The following PML variants were observed in gnomAD, a reference collection of about 807,000 sequenced individuals.
PML encodes the protein protein PML.
In PML, 28 loss-of-function variants were observed where a neutral mutation model predicts 65.2. That is an observed-to-expected ratio of 0.43 (90% CI 0.32 to 0.59). The LOEUF (loss-of-function observed/expected upper bound fraction) is 0.59. Ranked by LOEUF, PML falls within the 20% of genes least tolerant of loss-of-function variation. PML has a pLI of 0.08. For missense variants in PML, 1,021 were observed against 1,203.4 expected (o/e 0.85, Z 2.24); for synonymous variants, 500 against 508.8 (o/e 0.98, Z 0.23).
chr15:74,006,390 CAAAA>C (rs372202858), intron 2 of PML, among the ~76,000 whole-genome samples: 4 of 87,552 alleles, frequency 4.6e-5, no homozygotes, highest in Admixed American at 1.4e-4. Flanking sequence ...GACTCCGTCT[CAAAA>C]AAAAAAAAAA....
intron 4 of PML, chr15:74,025,554 T>C (rs1045166389): frequency 1.3e-5 from 2 of 156,968 alleles, no homozygotes; most frequent in African/African-American, 4.8e-5. Flanking sequence ...AAGGTATCCA[T>C]GTCCCATCTA....
intron 5 of PML, among the ~76,000 whole-genome samples, chr15:74,032,947 T>C (rs974819321): frequency 1.3e-5 from 2 of 152,202 alleles, no homozygotes; most frequent in African/African-American, 4.8e-5. Context: ...CTCAGGGTTG[T>C]CAGAGGCCAG....
At chr15:74,030,073 T>C (rs898177921) in intron 4 of PML, among the ~76,000 whole-genome samples, 2 of 152,160 alleles carry the variant, frequency 1.3e-5, no homozygotes, top group Non-Finnish European at 2.9e-5. Context: ...AGCACTGTGC[T>C]GGGGCCATCC....
rs149316793 is a variant in PML, at chr15:74,046,856, C to T, written c.*1848C>T. The T allele has an allele frequency of 9.6e-4, 221 of 231,048 alleles. No individual in the cohort carries two copies. Among genetic ancestry groups the T allele is most frequent in the Middle Eastern group, 2.6e-3 (2 of 780 alleles). 14.3% of individuals were successfully genotyped at this position (231,048 alleles called of 1,614,324 possible). ...TTTGCCTGGATAGGAGGGGGCTCTC[C>T]CAGGCATAGGCTTGTGGCCACTTGC... is the stretch of plus-strand genomic sequence containing the variant. On this transcript the variant is annotated 3_prime_UTR_variant, in exon 9 of 9. Coordinates refer to ENST00000268058, the MANE Select transcript of PML (RefSeq NM_033238.3).
chr15:74,044,390 C>T lies in PML; in HGVS notation c.2031C>T (p.Tyr677=), dbSNP rs2071747539. ...SSMRRPILAC[Y]KLWGPGLPNF... Reference sequence around the variant, plus strand: ...TGCGCCGCCCTATCTTGGCCTGCTACAAGCTGTGGGGGCCTGGCCTCCCAA... The same window carrying T: ...TGCGCCGCCCTATCTTGGCCTGCTATAAGCTGTGGGGGCCTGGCCTCCCAA... Residue 677 remains tyrosine (Y), a synonymous_variant, in exon 9 of 9, where the codon TAC becomes TAT. Coordinates refer to ENST00000268058, the MANE Select transcript of PML (RefSeq NM_033238.3). 1 of 1,614,218 alleles carries T rather than the reference C, an allele frequency of 6.2e-7. No homozygotes were observed. Among genetic ancestry groups the T allele is most frequent in the East Asian group, 2.2e-5 (1 of 44,886 alleles).
At chr15:74,029,936 G>C (rs2071243816) in intron 4 of PML, among the ~76,000 whole-genome samples, 1 of 152,140 alleles carries the variant, frequency 6.6e-6, no homozygotes, top group South Asian at 2.1e-4. Flanking sequence ...TCTTTTTAAA[G>C]ATTTGGAGAA....
chr15:73,998,091 C>A lies in PML; in HGVS notation c.217C>A (p.Leu73Met). 4 of 1,613,800 alleles carry A rather than the reference C, an allele frequency of 2.5e-6. No individual in the cohort carries two copies. The highest frequency in any genetic ancestry group is 3.4e-6 in the Non-Finnish European group (4 of 1,180,028). ...EAKCPKLLPC[L>M]HTLCSGCLEA... Reference sequence around the variant, plus strand: ...CAAGTGCCCGAAGCTGCTGCCTTGTCTGCACACGCTGTGCTCAGGATGCCT... The same window carrying A: ...CAAGTGCCCGAAGCTGCTGCCTTGTATGCACACGCTGTGCTCAGGATGCCT... Residue 73 changes from leucine to methionine, a missense_variant, in exon 2 of 9, where the codon CTG becomes ATG. By Grantham distance (15) the Leu-to-Met change is conservative. Coordinates refer to ENST00000268058, the MANE Select transcript of PML (RefSeq NM_033238.3).
chr15:74,002,585 A>C (rs992156444), intron 2 of PML, among the ~76,000 whole-genome samples: 1 of 148,510 alleles, frequency 6.7e-6, no homozygotes, highest in African/African-American at 2.5e-5. Context: ...CTGGGATTAC[A>C]GGCGTGTGCC....
At chr15:74,028,609 A>G (rs1232600057) in intron 4 of PML, among the ~76,000 whole-genome samples, 1 of 152,086 alleles carries the variant, frequency 6.6e-6, no homozygotes, top group Non-Finnish European at 1.5e-5. Flanking sequence ...TTCCAGAAGG[A>G]TTTTCATCTT....
chr15:74,042,626 C>T lies in PML; in HGVS notation c.1711-363C>T. On this transcript the variant is annotated intron_variant, in intron 7 of 8. Transcript: ENST00000268058. This position sits in a 1 kb window ranked among gnomAD's most constrained non-coding sequence, Gnocchi z 5.3. ...ACACACCCACTGGCATTTTCTCTCA[C>T]ACTTTCATACACTTGTGTCAACGCA... 4 of 985,436 alleles carry T rather than the reference C, an allele frequency of 4.1e-6. No homozygotes were observed. Among genetic ancestry groups the T allele is most frequent in the Non-Finnish European group, 4.8e-6 (4 of 829,938 alleles). The allele number at this position is 985,436 out of a possible 1,614,324, so 61.0% of individuals were successfully genotyped here.
At position 74,043,252 on chromosome 15, in the gene PML, C is replaced by T; in HGVS notation, c.1861+113C>T. ...CAGGAGAGCTCTGAGCTCTGGCCAA[C>T]AACTGCAGCCAGGCTGGGCAGAGCA... On this transcript the variant is annotated intron_variant, in intron 8 of 8. Coordinates refer to ENST00000268058, the MANE Select transcript of PML (RefSeq NM_033238.3). This position sits in a 1 kb window ranked among gnomAD's most constrained non-coding sequence, Gnocchi z 4.3. 6.3e-7 allele frequency: 1 copy of T among 1,596,292 alleles called. No homozygotes were observed. Among genetic ancestry groups the T allele is most frequent in the Non-Finnish European group, 8.5e-7 (1 of 1,171,884 alleles).
intron 2 of PML, among the ~76,000 whole-genome samples, chr15:74,003,389 G>A (rs895408233): frequency 3.3e-5 from 5 of 152,044 alleles, no homozygotes; most frequent in African/African-American, 1.2e-4. Context: ...CTGAGATTGT[G>A]CCACTGCACT....
chr15:73,995,910 TA>T (rs2069471676), intron 1 of PML, among the ~76,000 whole-genome samples: 1 of 152,028 alleles, frequency 6.6e-6, no homozygotes, highest in East Asian at 1.9e-4. Context: ...CACGCCACCA[TA>T]CCTGGCTATT....
rs181484921 is a variant in PML at position 74,037,048 on chromosome 15, G to A, written c.1710+2518G>A. The A allele has an allele frequency of 3.0e-6, 3 of 985,452 alleles. No individual in the cohort carries two copies. In the Admixed American group the frequency reaches 1.8e-4, roughly 61 times the overall value. The allele number at this position is 985,452 out of a possible 1,614,324, so 61.0% of individuals were successfully genotyped here. ...AAGGACTCAGGAGCTTGTCGCCTCTGTGCTGCCACCTGGAGACCGAGATCT... is the reference window on the plus strand; with the variant it reads ...AAGGACTCAGGAGCTTGTCGCCTCTATGCTGCCACCTGGAGACCGAGATCT... On this transcript the variant is annotated intron_variant, in intron 7 of 8. Transcript: ENST00000268058. This position sits in a 1 kb window ranked among gnomAD's most constrained non-coding sequence, Gnocchi z 4.2.
intron 2 of PML, among the ~76,000 whole-genome samples, chr15:74,002,610 A>AG (rs1595880225): frequency 1.0e-5 from 1 of 99,606 alleles, no homozygotes; most frequent in African/African-American, 3.2e-5. Flanking sequence ...TGCCCGGCTA[A>AG]GTTTTTTTTT....
Position 73,998,467 on chromosome 15 carries a change from C to A in PML, c.593C>A (p.Thr198Lys). ...FCSNPNHRTP[T>K]LTSIYCRGCS... ...TCCAACCCCAACCACCGCACCCCTA[C>A]GCTGACCAGGTGAGTAGGCCGGCAC... The change falls in exon 2 of 9, where the codon ACG (threonine) becomes AAG (lysine). Residue 198 changes from threonine (T) to lysine (K), a missense_variant. Transcript: ENST00000268058. 1 of 1,613,762 alleles carries A rather than the reference C, an allele frequency of 6.2e-7. No homozygotes were observed. Among genetic ancestry groups the A allele is most frequent in the South Asian group, 1.1e-5 (1 of 91,072 alleles).
At chr15:74,036,508 G>GTC in intron 7 of PML, 1 of 1,098,990 alleles carries the variant, frequency 9.1e-7, no homozygotes, top group Middle Eastern at 3.8e-4. Context: ...GGGATACCAT[G>GTC]TCCCCTCTTC....
chr15:74,037,589 C>A lies in PML; in HGVS notation c.1710+3059C>A, dbSNP rs2071599829. The stretch of plus-strand genomic sequence containing the variant: ...GCCCCCTCCTTGCCCCTTCTTCACC[C>A]CACCTCCTGCGCTTCCCCGCCAGTA... On this transcript the variant is annotated intron_variant, in intron 7 of 8. Transcript: ENST00000268058. The surrounding 1 kb of genome is among the most constrained non-coding windows in gnomAD (Gnocchi z 4.2). 1.3e-5 allele frequency: 13 copies of A among 985,416 alleles called. No individual in the cohort carries two copies. Among genetic ancestry groups the A allele is most frequent in the Non-Finnish European group, 1.6e-5 (13 of 829,920 alleles). 61.0% of individuals were successfully genotyped at this position (985,416 alleles called of 1,614,324 possible). A position where few individuals can be genotyped will look rare whatever the true frequency, so the allele number is the denominator to read the frequency against.
At chr15:74,001,481 A>C (rs1306323378) in intron 2 of PML, among the ~76,000 whole-genome samples, 2 of 152,014 alleles carry the variant, frequency 1.3e-5, no homozygotes, top group Admixed American at 1.3e-4. Context: ...CTGAGACTAC[A>C]GGTGCCCACC....
Sources: gnomAD v4.1 joint callset for allele counts (sites outside exome capture counted in the v4.1 genomes callset) on GRCh38, gnomAD v4.1.1 for gene constraint, Gnocchi (gnomAD v3.1) non-coding constraint, MANE v1.5 for transcripts, NCBI Gene and HGNC (gene_info 2026-07-23, HGNC 2026-07-21) for gene names.